Variants in JMJD1C observed in about 807,000 individuals in gnomAD.
The protein encoded by JMJD1C is jumonji domain containing 1C.
A neutral mutation model predicts 245.3 loss-of-function variants in JMJD1C; 31 were observed. The ratio of observed to expected loss-of-function variants is 0.13; its 90% CI spans 0.09 to 0.17. The LOEUF (loss-of-function observed/expected upper bound fraction) is 0.17, where lower values mean the gene tolerates loss of function less well. Ranked by LOEUF, JMJD1C falls within the 10% of genes least tolerant of loss-of-function variation. The pLI is 1.00. For synonymous variants in JMJD1C, 1,057 were observed against 1,017.4 expected, an observed-to-expected ratio of 1.04 and a Z score of -0.74; for missense variants, 2,691 against 3,000.2, an observed-to-expected ratio of 0.90 and a Z score of 2.41.
rs766015064 is a variant in JMJD1C, at chr10:63,198,495, T to C, written c.5491+18A>G. ...AAAATGAAATTTGTGCAGTTCATGT[T>C]ATATTTAACTTCCTTACCATCCTTT... On this transcript the variant is annotated intron_variant, in intron 12 of 25. Coordinates refer to ENST00000399262, the MANE Select transcript of JMJD1C (RefSeq NM_032776.3). 6.8e-7 allele frequency: 1 copy of C among 1,466,208 alleles called. No individual in the cohort carries two copies. The highest frequency in any genetic ancestry group is 2.3e-5 in the East Asian group (1 of 43,586). The allele number at this position is 1,466,208 out of a possible 1,614,324, so 90.8% of individuals were successfully genotyped here. A position where few individuals can be genotyped will look rare whatever the true frequency, so the allele number is the denominator to read the frequency against.
chr10:63,175,738 G>A (rs1374559237), intron 24 of JMJD1C, among the ~76,000 whole-genome samples: 1 of 152,124 alleles, frequency 6.6e-6, no homozygotes, highest in Non-Finnish European at 1.5e-5. Context: ...TCCACCTATA[G>A]GAATCCACTG....
At chr10:63,312,716 C>T (rs1475434173) in intron 2 of JMJD1C, among the ~76,000 whole-genome samples, 2 of 152,120 alleles carry the variant, frequency 1.3e-5, no homozygotes, top group Non-Finnish European at 2.9e-5. Flanking sequence ...CCTGAATTTT[C>T]TCTCCATAGT....
chr10:63,223,121 G>C, intron 3 of JMJD1C: 18 of 409,754 alleles, frequency 4.4e-5, no homozygotes, highest in East Asian at 7.4e-5. Flanking sequence ...TTTCAGTAAA[G>C]AAATTATCTG....
intron 1 of JMJD1C, among the ~76,000 whole-genome samples, chr10:63,501,144 C>T (rs1424192528): frequency 6.6e-6 from 1 of 152,106 alleles, no homozygotes; most frequent in African/African-American, 2.4e-5. Context: ...CTGCCAGACG[C>T]GGTAGCTGAA....
At chr10:63,486,364 A>G (rs116808860) in intron 1 of JMJD1C, among the ~76,000 whole-genome samples, 2,110 of 152,186 alleles carry the variant, frequency 0.014, 32 homozygotes, top group African/African-American at 0.036. Context: ...ATGACCTGGT[A>G]AAAAGCACTT....
At chr10:63,432,440 TTGTG>T (rs10574458) in intron 1 of JMJD1C, among the ~76,000 whole-genome samples, 1 of 152,000 alleles carries the variant, frequency 6.6e-6, no homozygotes. Context: ...AACCCACCCA[TTGTG>T]TGTGTGTGAC....
chr10:63,379,546 T>C (rs1304371035), intron 2 of JMJD1C, among the ~76,000 whole-genome samples: 1 of 152,228 alleles, frequency 6.6e-6, no homozygotes, highest in Non-Finnish European at 1.5e-5. Context: ...ATTACCTGAA[T>C]AATTACACAT....
At chr10:63,254,146 T>C (rs1274725052) in intron 3 of JMJD1C, among the ~76,000 whole-genome samples, 3 of 152,020 alleles carry the variant, frequency 2.0e-5, no homozygotes, top group Non-Finnish European at 4.4e-5. Context: ...AATTTTAGCT[T>C]TGAGCAAATC....
chr10:63,400,722 C>T (rs945993005), intron 1 of JMJD1C, among the ~76,000 whole-genome samples: 24 of 152,208 alleles, frequency 1.6e-4, no homozygotes, highest in Middle Eastern at 3.4e-3. Flanking sequence ...CCACCACACC[C>T]GGCTGATTTT....
Position 63,503,297 on chromosome 10 carries a change from G to T in JMJD1C, n.113+18441C>A, listed in dbSNP as rs1489893122. ...TGGGGGGGCTTTTAGTTCAACTTAG[G>T]TCAATTCAGTATAGATACTAATATG... On this transcript the variant is annotated intron_variant and non_coding_transcript_variant, in intron 1 of 3. Transcript: ENST00000633035. Among the ~76,000 whole-genome samples the T allele has an allele frequency of 2.6e-5, 4 of 152,214 alleles. No individual in the cohort carries two copies. The East Asian group carries it at 7.7e-4, about 29-fold the overall frequency.
In JMJD1C at chr10:63,251,311, TTTG is replaced by T. The variant is rs540513127; in HGVS notation, c.447+13337_447+13339del. 3.3e-3 allele frequency among the ~76,000 whole-genome samples: 497 copies of T among 152,318 alleles called. 3 individuals are homozygous for T. Among genetic ancestry groups the T allele is most frequent in the African/African-American group, 0.012 (480 of 41,560 alleles). ...AACATCTGAAAAAGCACTGGGTATT[TTTG>T]TTGTTATTGTGATTTTTTACTAAAA... On this transcript the variant is annotated intron_variant, in intron 3 of 25. Coordinates refer to ENST00000399262, the MANE Select transcript of JMJD1C (RefSeq NM_032776.3).
chr10:63,408,019 A>T (rs1341290883), intron 1 of JMJD1C, among the ~76,000 whole-genome samples: 1 of 152,188 alleles, frequency 6.6e-6, no homozygotes, highest in East Asian at 1.9e-4. Flanking sequence ...CAGAGAAAAA[A>T]GAGAATCTTA....
chr10:63,247,122 A>C (rs1852318995), intron 3 of JMJD1C, among the ~76,000 whole-genome samples: 1 of 150,914 alleles, frequency 6.6e-6, no homozygotes, highest in Non-Finnish European at 1.5e-5. Context: ...AAAAACAAAA[A>C]CAAAAAAACA....
intron 1 of JMJD1C, among the ~76,000 whole-genome samples, chr10:63,491,480 G>A (rs990495324): frequency 3.9e-5 from 6 of 152,142 alleles, no homozygotes; most frequent in Admixed American, 6.5e-5. Context: ...ATAATGACTC[G>A]CATAAGGCAG....
At chr10:63,293,378 A>G (rs181066684) in intron 2 of JMJD1C, among the ~76,000 whole-genome samples, 91 of 152,342 alleles carry the variant, frequency 6.0e-4, no homozygotes, top group Non-Finnish European at 1.2e-3. Context: ...TTCCAAGAAT[A>G]TATCACTACC....
rs376099176 is a variant in JMJD1C at position 63,193,433 on chromosome 10, T to C, written c.5774A>G (p.Glu1925Gly). Reference protein sequence around the residue: ...DLLDAMHTLREKYGIKSHCHC... With the variant: ...DLLDAMHTLRGKYGIKSHCHC... ...ACAATGGGATTTAATACCATATTTT[T>C]CCCTAAGAGTGTGCATGGCATCTAG... Residue 1925 changes from glutamate to glycine, a missense_variant, in exon 15 of 26, where the codon GAA becomes GGA. Glu to Gly is a moderately conservative substitution (Grantham distance 98, BLOSUM62 -2). Transcript: ENST00000399262. 5.3e-5 allele frequency: 85 copies of C among 1,598,816 alleles called. No individual in the cohort carries two copies. The highest frequency in any genetic ancestry group is 7.1e-5 in the Non-Finnish European group (83 of 1,169,996).
At chr10:63,422,380 A>C (rs1564903516) in intron 1 of JMJD1C, among the ~76,000 whole-genome samples, 1 of 152,184 alleles carries the variant, frequency 6.6e-6, no homozygotes, top group Non-Finnish European at 1.5e-5. Flanking sequence ...CAGCCTGGGC[A>C]ACAGAGCAGG....
rs1450333806 is a variant in JMJD1C, at chr10:63,207,351, G to T, written c.4318C>A (p.Gln1440Lys). 3 of 1,613,724 alleles carry T rather than the reference G, an allele frequency of 1.9e-6. No homozygotes were observed. Among genetic ancestry groups the T allele is most frequent in the Admixed American group, 3.3e-5 (2 of 59,990 alleles). The change falls in exon 10 of 26, where the codon CAG becomes AAG. Residue 1440 changes from glutamine to lysine, a missense_variant. Gln to Lys is a moderately conservative substitution (Grantham distance 53). Around this residue, in one of 9 missense-constraint regions of JMJD1C, gnomAD observed 1,562 missense variants for 1,490.7 expected, o/e 1.05. Coordinates refer to ENST00000399262, the MANE Select transcript of JMJD1C (RefSeq NM_032776.3). ...CATTCTTGTTTTTGAGCCACTGGCT[G>T]ACTGACACTTTTTGAAGATACACAT... ...SECVSSKSVSQPVAQKQECKV... is the reference protein window; with the variant it reads ...SECVSSKSVSKPVAQKQECKV...
chr10:63,214,270 T>C lies in JMJD1C; in HGVS notation c.1897A>G (p.Thr633Ala). 6.2e-7 allele frequency: 1 copy of C among 1,614,046 alleles called. No individual in the cohort carries two copies. ...GATGGGCTGGATTTTATCTTGTGAG[T>C]ATCTACTGAAGTATTAAGTTTAGAT... ...IKSKLNTSVD[T>A]HKIKSSPSPE... is the part of the protein sequence containing the mutation. Residue 633 changes from threonine to alanine, a missense_variant, in exon 8 of 26, where the codon ACT becomes GCT. By Grantham distance (58) the Thr-to-Ala change is moderately conservative. Around this residue, in one of 9 missense-constraint regions of JMJD1C, gnomAD observed 1,562 missense variants for 1,490.7 expected, o/e 1.05. Coordinates refer to ENST00000399262, the MANE Select transcript of JMJD1C (RefSeq NM_032776.3).
Sources: gnomAD v4.1 joint callset for allele counts (sites outside exome capture counted in the v4.1 genomes callset) on GRCh38, gnomAD v4.1.1 for gene constraint, gnomAD v4.1.1 regional missense constraint, MANE v1.5 for transcripts, NCBI Gene and HGNC (gene_info 2026-07-23, HGNC 2026-07-21) for gene names.